CELF6: variants seen among roughly 807,000 people sequenced by gnomAD.
CELF6 encodes CUGBP Elav-like family member 6, also known as Bruno -like 6, RNA binding protein.
CELF6 carries 32 observed loss-of-function variants against 53.1 expected under a neutral mutation model. The observed-to-expected ratio is 0.60, with a 90% confidence interval of 0.46 to 0.81. CELF6 has a LOEUF of 0.81. Among genes scored for constraint, CELF6 ranks in the 30% least tolerant of loss-of-function variants. CELF6 has a pLI of 0.00. For synonymous variants in CELF6, 291 were observed against 288.8 expected, an observed-to-expected ratio of 1.01 and a Z score of -0.08; for missense variants, 539 against 669.5, an observed-to-expected ratio of 0.81 and a Z score of 2.15.
chr15:72,294,465 G>T (rs1186292258), intron 3 of CELF6, among the ~76,000 whole-genome samples: 2 of 152,184 alleles, frequency 1.3e-5, no homozygotes, highest in Non-Finnish European at 2.9e-5. Flanking sequence ...GACGACTGCA[G>T]CATAAGAAGC....
chr15:72,319,569 C>A lies in CELF6; in HGVS notation c.262+44G>T. On this transcript the variant is annotated intron_variant, in intron 1 of 12. Coordinates refer to ENST00000287202, the MANE Select transcript of CELF6 (RefSeq NM_052840.5). This position sits in a 1 kb window ranked among gnomAD's most constrained non-coding sequence, Gnocchi z 5.0. The stretch of plus-strand genomic sequence containing the variant: ...GGCTGGGCTGGGGTCGGGCCACACT[C>A]TAATCGGATTGGGGCTGGGCTGGGC... The A allele has an allele frequency of 6.8e-7, 1 of 1,480,276 alleles. No individual in the cohort carries two copies. The highest frequency in any genetic ancestry group is 9.0e-7 in the Non-Finnish European group (1 of 1,105,662). The allele number at this position is 1,480,276 out of a possible 1,614,324, so 91.7% of individuals were successfully genotyped here. A position where few individuals can be genotyped will look rare whatever the true frequency, so the allele number is the denominator to read the frequency against.
At chr15:72,308,858 A>G (rs1029815197) in intron 2 of CELF6, among the ~76,000 whole-genome samples, 6 of 151,926 alleles carry the variant, frequency 3.9e-5, no homozygotes, top group Non-Finnish European at 5.9e-5. Flanking sequence ...GACACCCACC[A>G]CCATGCCCAG....
chr15:72,288,703 T>C lies in CELF6; in HGVS notation c.1094-85A>G. 7.0e-7 allele frequency: 1 copy of C among 1,425,124 alleles called. No homozygotes were observed. The highest frequency in any genetic ancestry group is 1.3e-5 in the South Asian group (1 of 78,916). The allele number at this position is 1,425,124 out of a possible 1,614,324, so 88.3% of individuals were successfully genotyped here. Reference sequence around the variant, plus strand: ...CAACTGCCTGGCCGCTTTTGACCAATTCAGCCCAGTCCACCATAACCCTCA... The same window carrying C: ...CAACTGCCTGGCCGCTTTTGACCAACTCAGCCCAGTCCACCATAACCCTCA... On this transcript the variant is annotated intron_variant, in intron 9 of 12. Coordinates refer to ENST00000287202, the MANE Select transcript of CELF6 (RefSeq NM_052840.5). This position sits in a 1 kb window ranked among gnomAD's most constrained non-coding sequence, Gnocchi z 4.6.
Position 72,288,970 on chromosome 15 carries a change from C to A in CELF6, c.1031-40G>T. ...GCGCGAGGCCCACAGTGAAGGCAAG[C>A]GGGCGAGCAGAGTGGGTGAGAAGCT... On this transcript the variant is annotated intron_variant, in intron 8 of 12. Transcript: ENST00000287202. This position sits in a 1 kb window ranked among gnomAD's most constrained non-coding sequence, Gnocchi z 4.6. The A allele has an allele frequency of 2.6e-6, 4 of 1,530,132 alleles. No homozygotes were observed. Among genetic ancestry groups the A allele is most frequent in the Admixed American group, 4.0e-5 (2 of 50,316 alleles). The allele number at this position is 1,530,132 out of a possible 1,614,324, so 94.8% of individuals were successfully genotyped here. A position where few individuals can be genotyped will look rare whatever the true frequency, so the allele number is the denominator to read the frequency against.
intron 3 of CELF6, among the ~76,000 whole-genome samples, chr15:72,295,494 C>T (rs1391277076): frequency 6.6e-6 from 1 of 151,508 alleles, no homozygotes; most frequent in Non-Finnish European, 1.5e-5. Flanking sequence ...TTTGGGAGGC[C>T]GAGGCGGGCA....
In CELF6 at chr15:72,289,120, G is replaced by T; in HGVS notation, c.1030+18C>A. 1.3e-6 allele frequency: 2 copies of T among 1,504,758 alleles called. No individual in the cohort carries two copies. The highest frequency in any genetic ancestry group is 8.8e-7 in the Non-Finnish European group (1 of 1,132,770). 93.2% of individuals were successfully genotyped at this position (1,504,758 alleles called of 1,614,324 possible). ...CCCACTCCATTTCGGGGGGATTTGG[G>T]CGGAGCGGGGGGCCCACCTGGATAA... On this transcript the variant is annotated intron_variant, in intron 8 of 12. Coordinates refer to ENST00000287202, the MANE Select transcript of CELF6 (RefSeq NM_052840.5). The surrounding 1 kb of genome is among the most constrained non-coding windows in gnomAD (Gnocchi z 7.6).
chr15:72,295,524 T>G (rs988346460), intron 3 of CELF6, among the ~76,000 whole-genome samples: 1 of 151,656 alleles, frequency 6.6e-6, no homozygotes, highest in African/African-American at 2.4e-5. Context: ...GTCAGGAGTT[T>G]GAGACCAGCC....
At chr15:72,295,209 C>A (rs1302777957) in intron 3 of CELF6, among the ~76,000 whole-genome samples, 2 of 148,900 alleles carry the variant, frequency 1.3e-5, no homozygotes, top group African/African-American at 5.0e-5. Context: ...GTGGCAAGCA[C>A]CTGTAATCCC....
intron 3 of CELF6, among the ~76,000 whole-genome samples, chr15:72,295,700 T>C (rs2959939): frequency 0.97 from 144,113 of 148,284 alleles, 70,167 homozygotes; most frequent in East Asian, 1. Flanking sequence ...CACTCCAGCC[T>C]GGGTGATAGT....
chr15:72,288,818 C>A lies in CELF6; in HGVS notation c.1093+50G>T. 1 of 1,506,246 alleles carries A rather than the reference C, an allele frequency of 6.6e-7. No homozygotes were observed. Among genetic ancestry groups the A allele is most frequent in the Non-Finnish European group, 9.0e-7 (1 of 1,106,180 alleles). 93.3% of individuals were successfully genotyped at this position (1,506,246 alleles called of 1,614,324 possible). ...AAATCCCCCACAACTCTCCCTATTT[C>A]TTTCTAGGGCCCTTCAACCTCCCCC... On this transcript the variant is annotated intron_variant, in intron 9 of 12. Transcript: ENST00000287202. This position sits in a 1 kb window ranked among gnomAD's most constrained non-coding sequence, Gnocchi z 4.6.
At chr15:72,311,434 G>A (rs535208040) in intron 2 of CELF6, among the ~76,000 whole-genome samples, 23 of 145,266 alleles carry the variant, frequency 1.6e-4, no homozygotes, top group African/African-American at 5.6e-4. Context: ...ACAGAGTCTC[G>A]CTCTGTCACC....
In CELF6 at chr15:72,288,982, G is replaced by T; in HGVS notation, c.1031-52C>A. On this transcript the variant is annotated intron_variant, in intron 8 of 12. Coordinates refer to ENST00000287202, the MANE Select transcript of CELF6 (RefSeq NM_052840.5). This position sits in a 1 kb window ranked among gnomAD's most constrained non-coding sequence, Gnocchi z 4.6. ...CAGTGAAGGCAAGCGGGCGAGCAGA[G>T]TGGGTGAGAAGCTCAGGGAGTGTGG... 6.7e-7 allele frequency: 1 copy of T among 1,496,914 alleles called. No homozygotes were observed. Among genetic ancestry groups the T allele is most frequent in the Non-Finnish European group, 9.1e-7 (1 of 1,101,638 alleles). 92.7% of individuals were successfully genotyped at this position (1,496,914 alleles called of 1,614,324 possible).
intron 3 of CELF6, among the ~76,000 whole-genome samples, chr15:72,303,705 G>A (rs1487715359): frequency 2.6e-5 from 4 of 152,136 alleles, no homozygotes; most frequent in African/African-American, 7.2e-5. Flanking sequence ...GCTATAGGCT[G>A]ATACACTGGA....
intron 2 of CELF6, among the ~76,000 whole-genome samples, chr15:72,309,905 C>A (rs1476700984): frequency 1.3e-5 from 2 of 152,138 alleles, no homozygotes; most frequent in Non-Finnish European, 2.9e-5. Context: ...TGCTTCAGAG[C>A]CCAGCCCTGG....
rs1363840165 is a variant in CELF6 at position 72,289,888 on chromosome 15, C to T, written c.603+51G>A. The T allele has an allele frequency of 6.5e-7, 1 of 1,529,304 alleles. No individual in the cohort carries two copies. 94.7% of individuals were successfully genotyped at this position (1,529,304 alleles called of 1,614,324 possible). ...ACCGAGCACACTCGGGGAGGAGAAGCCCGTCCCCACCCCACTGGCCTCACC... is the reference window on the plus strand; with the variant it reads ...ACCGAGCACACTCGGGGAGGAGAAGTCCGTCCCCACCCCACTGGCCTCACC... On this transcript the variant is annotated intron_variant, in intron 5 of 12. Coordinates refer to ENST00000287202, the MANE Select transcript of CELF6 (RefSeq NM_052840.5). This position sits in a 1 kb window ranked among gnomAD's most constrained non-coding sequence, Gnocchi z 7.6.
intron 3 of CELF6, among the ~76,000 whole-genome samples, chr15:72,299,612 C>T (rs754488069): frequency 3.3e-5 from 5 of 152,106 alleles, no homozygotes; most frequent in Non-Finnish European, 7.4e-5. Flanking sequence ...CCACCCGCCT[C>T]GGCCTCCCAA....
chr15:72,307,201 G>A (rs1293260023), intron 2 of CELF6, among the ~76,000 whole-genome samples: 3 of 152,124 alleles, frequency 2.0e-5, no homozygotes, highest in Non-Finnish European at 4.4e-5. Flanking sequence ...CTCCCTGGCT[G>A]GGTTTCCTGG....
chr15:72,291,143 A>T (rs2088001376), intron 3 of CELF6, among the ~76,000 whole-genome samples: 1 of 152,184 alleles, frequency 6.6e-6, no homozygotes, highest in Admixed American at 6.5e-5. Flanking sequence ...AACCAGTCTG[A>T]TTCCTCCCTG....
intron 3 of CELF6, among the ~76,000 whole-genome samples, chr15:72,300,812 C>T (rs777507533): frequency 3.3e-5 from 5 of 150,488 alleles, no homozygotes; most frequent in Admixed American, 1.3e-4. Flanking sequence ...CCAGCCTGGG[C>T]GACAGAGTGA....
Sources: allele counts gnomAD v4.1 joint callset (sites outside exome capture counted in the v4.1 genomes callset), GRCh38; gene constraint gnomAD v4.1.1; non-coding constraint Gnocchi (gnomAD v3.1); transcripts MANE v1.5; gene names NCBI Gene and HGNC (gene_info 2026-07-23, HGNC 2026-07-21).